The following MRPL43 variants were observed in gnomAD, a reference collection of about 807,000 sequenced individuals.
MRPL43 encodes mitochondrial ribosomal protein L43.
A neutral mutation model predicts 12.7 loss-of-function variants in MRPL43; 9 were observed. The ratio of observed to expected loss-of-function variants is 0.71; its 90% CI spans 0.43 to 1.24. The LOEUF (loss-of-function observed/expected upper bound fraction) is 1.24, where lower values mean the gene tolerates loss of function less well. Ranked by LOEUF, MRPL43 falls within the 50% of genes most tolerant of loss-of-function variation. The pLI is 0.00. For synonymous variants in MRPL43, 116 were observed against 96.4 expected (o/e 1.20, Z -1.19); for missense variants, 211 against 229.2 (o/e 0.92, Z 0.51).
At chr10:100,983,298 C>T (rs1434920721), downstream of MRPL43, 7 of 1,521,282 alleles carry the variant, frequency 4.6e-6, no homozygotes, top group Admixed American at 1.0e-4. Flanking sequence ...TCCCCCAAAC[C>T]CCACAGGGCC....
downstream of MRPL43, among the ~76,000 whole-genome samples, chr10:100,981,854 T>G (rs1851094555): frequency 6.6e-6 from 1 of 152,012 alleles, no homozygotes; most frequent in Admixed American, 6.6e-5. Context: ...GCTCAGGAAT[T>G]GGAGACCAGC....
chr10:100,983,121 T>G (rs906658232), downstream of MRPL43, among the ~76,000 whole-genome samples: 31 of 152,250 alleles, frequency 2.0e-4, no homozygotes, highest in Non-Finnish European at 3.7e-4. Flanking sequence ...AGGCACTGCC[T>G]GCTTCCTGGG....
downstream of MRPL43, chr10:100,978,328 G>A (rs779530961): frequency 1.1e-5 from 17 of 1,613,662 alleles, no homozygotes; most frequent in East Asian, 2.2e-5. Flanking sequence ...AACCAGCTTC[G>A]AGGAGGGGAA....
downstream of MRPL43, chr10:100,977,949 C>T: frequency 1.7e-6 from 1 of 580,922 alleles, no homozygotes; most frequent in South Asian, 2.0e-5. Context: ...TAGCATCCTC[C>T]CCCTAATCAC....
chr10:100,986,917 C>G lies in MRPL43; in HGVS notation c.297G>C (p.Thr99=). 1 of 1,611,154 alleles carries G rather than the reference C, an allele frequency of 6.2e-7. No individual in the cohort carries two copies. The highest frequency in any genetic ancestry group is 1.3e-5 in the African/African-American group (1 of 75,046). Residue 99 remains threonine, a synonymous_variant, in exon 3 of 3, where the codon ACG becomes ACC. Transcript: ENST00000318364. Reference sequence around the variant, plus strand: ...ACTGGTCGGCCAGCTTCTGCACCAGCGTCGAGATCTCCTCGACCGACTTGC... The same window carrying G: ...ACTGGTCGGCCAGCTTCTGCACCAGGGTCGAGATCTCCTCGACCGACTTGC... ...IHCKSVEEIS[T]LVQKLADQSG...
chr10:100,978,896 G>A (rs1465509378), downstream of MRPL43: 1 of 1,614,234 alleles, frequency 6.2e-7, no homozygotes, highest in South Asian at 1.1e-5. Context: ...CAAGGCCAGT[G>A]CAGTGGGTGA....
chr10:100,986,956 C>A lies in MRPL43; in HGVS notation c.258G>T (p.Glu86Asp). ...CGACCGACTTGCAGTGGATGCTCTC[C>A]TCGCGCACAGCCCCGTTAACTGGCA... ...VAEYLNGAVR[E>D]ESIHCKSVEE... The change falls in exon 3 of 3, where the codon GAG (glutamate) becomes GAT (aspartate). Residue 86 changes from glutamate (E) to aspartate (D), a missense_variant. Coordinates refer to ENST00000318364, the MANE Select transcript of MRPL43 (RefSeq NM_032112.3). 6.2e-7 allele frequency: 1 copy of A among 1,607,246 alleles called. No homozygotes were observed. The highest frequency in any genetic ancestry group is 1.3e-5 in the African/African-American group (1 of 75,054).
chr10:100,979,513 G>A (rs2133880681), downstream of MRPL43: 2 of 1,090,788 alleles, frequency 1.8e-6, no homozygotes, highest in East Asian at 5.2e-5. Flanking sequence ...CTCCCGAGTA[G>A]CTGGGACTAT....
downstream of MRPL43, chr10:100,983,662 C>A: frequency 1.2e-6 from 2 of 1,613,486 alleles, no homozygotes; most frequent in Non-Finnish European, 1.7e-6. Context: ...GCCATTGCCG[C>A]GCTTGGTGGC....
rs761893520 is a variant in MRPL43 at position 100,987,474 on chromosome 10, C to T, written c.-31G>A. The T allele has an allele frequency of 2.5e-6, 4 of 1,607,446 alleles. No homozygotes were observed. The highest frequency in any genetic ancestry group is 1.1e-5 in the South Asian group (1 of 90,868). On this transcript the variant is annotated 5_prime_UTR_variant, in exon 1 of 3. Coordinates refer to ENST00000318364, the MANE Select transcript of MRPL43 (RefSeq NM_032112.3). ...CAGCTTGGAGGCCGCGGAGCCTAAG[C>T]AGCGAGGAGAGGGGGGCGGGACTAA...
downstream of MRPL43, chr10:100,983,442 T>C (rs1315808916): frequency 6.2e-7 from 1 of 1,613,868 alleles, no homozygotes; most frequent in African/African-American, 1.3e-5. Flanking sequence ...GCAGGGTGGC[T>C]ACCGTGTGGG....
At chr10:100,979,861 G>T, downstream of MRPL43, 1 of 1,613,816 alleles carries the variant, frequency 6.2e-7, no homozygotes, top group Non-Finnish European at 8.5e-7. Context: ...GACCCTGGAG[G>T]CCTCAGCCAT....
chr10:100,978,355 G>C, downstream of MRPL43: 1 of 1,613,596 alleles, frequency 6.2e-7, no homozygotes, highest in Non-Finnish European at 8.5e-7. Context: ...GTGTCCTTAT[G>C]ACCCAGCCCG....
downstream of MRPL43, chr10:100,983,783 T>G (rs1851263236): frequency 6.2e-7 from 1 of 1,608,156 alleles, no homozygotes; most frequent in Non-Finnish European, 8.5e-7. Flanking sequence ...CAGGAGGATC[T>G]GCGGTGCAAC....
chr10:100,980,999 TG>T (rs1476679345), downstream of MRPL43: 1 of 1,591,722 alleles, frequency 6.3e-7, no homozygotes, highest in Non-Finnish European at 8.5e-7. Context: ...GGGAAGCAGG[TG>T]GGAAGTGGTG....
downstream of MRPL43, chr10:100,980,218 C>T (rs1330018610): frequency 1.9e-6 from 3 of 1,614,236 alleles, no homozygotes; most frequent in African/African-American, 1.3e-5. Context: ...ACTGATGGCT[C>T]GGCCCGTTGT....
downstream of MRPL43, chr10:100,978,566 G>A (rs1419465318): frequency 6.2e-7 from 1 of 1,614,150 alleles, no homozygotes; most frequent in Admixed American, 1.7e-5. Flanking sequence ...GAATTCCGGA[G>A]CATTCCTGAC....
chr10:100,983,239 C>G (rs1420528808), downstream of MRPL43: 1 of 1,453,026 alleles, frequency 6.9e-7, no homozygotes, highest in East Asian at 2.5e-5. Flanking sequence ...AGTGAACAGT[C>G]TGGCTTGCCA....
downstream of MRPL43, chr10:100,984,640 G>C (rs1215245125): frequency 6.5e-7 from 1 of 1,536,180 alleles, no homozygotes; most frequent in Admixed American, 2.0e-5. Flanking sequence ...TTATCGGCTG[G>C]GCTGCAGTGC....
Sources: allele counts gnomAD v4.1 joint callset (sites outside exome capture counted in the v4.1 genomes callset), GRCh38; gene constraint gnomAD v4.1.1; transcripts MANE v1.5; gene names NCBI Gene and HGNC (gene_info 2026-07-23, HGNC 2026-07-21).